The following PPP1R36 variants were observed in gnomAD, a reference collection of about 807,000 sequenced individuals.
PPP1R36 encodes the protein chromosome 14 open reading frame 50.
In PPP1R36, 47 loss-of-function variants were observed where a neutral mutation model predicts 53.4. The ratio of observed to expected loss-of-function variants is 0.88; its 90% CI spans 0.70 to 1.12. PPP1R36 has a LOEUF of 1.12. Ranked by LOEUF, PPP1R36 falls within the 50% of genes most tolerant of loss-of-function variation. The pLI, the probability that PPP1R36 is intolerant of heterozygous loss-of-function variation, is 0.00. For synonymous variants in PPP1R36, 153 were observed against 170.5 expected (o/e 0.90, Z 0.80); for missense variants, 456 against 513.9 (o/e 0.89, Z 1.09).
intron 6 of PPP1R36, among the ~76,000 whole-genome samples, chr14:64,568,109 C>T (rs1260050791): frequency 6.6e-6 from 1 of 152,112 alleles, no homozygotes; most frequent in Non-Finnish European, 1.5e-5. Context: ...TTAGTAAGCA[C>T]AACTATAAGA....
chr14:64,561,821 G>A (rs2080207587), intron 3 of PPP1R36: 2 of 455,878 alleles, frequency 4.4e-6, no homozygotes, highest in Admixed American at 4.7e-5. Context: ...AGAACCAGCA[G>A]TCTGCCTGAA....
chr14:64,559,008 G>A (rs1274389848), intron 3 of PPP1R36, among the ~76,000 whole-genome samples: 1 of 152,118 alleles, frequency 6.6e-6, no homozygotes, highest in African/African-American at 2.4e-5. Flanking sequence ...AGTGGATCTG[G>A]GACTAAGGGA....
At chr14:64,574,625 CCAT>C (rs1279230634) in intron 8 of PPP1R36, 36 bp downstream of exon 8, 1 of 1,569,222 alleles carries the variant, frequency 6.4e-7, no homozygotes, top group Non-Finnish European at 8.6e-7. Context: ...GATCATCACT[CCAT>C]CATAGACTCA....
chr14:64,563,760 A>G (rs1432278744), intron 3 of PPP1R36, among the ~76,000 whole-genome samples: 1 of 152,248 alleles, frequency 6.6e-6, no homozygotes, highest in Non-Finnish European at 1.5e-5. Context: ...ACCTCAGCTT[A>G]ACAGAGGGAC....
chr14:64,585,233 A>G (rs2080421660), intron 8 of PPP1R36, among the ~76,000 whole-genome samples: 1 of 152,210 alleles, frequency 6.6e-6, no homozygotes, highest in Non-Finnish European at 1.5e-5. Context: ...AAGCAGAAGC[A>G]GGCCGGGCAC....
intron 3 of PPP1R36, chr14:64,559,228 G>T (rs1052473435): frequency 2.0e-5 from 3 of 152,212 alleles, no homozygotes; most frequent in Non-Finnish European, 4.4e-5. Flanking sequence ...GTACAGGCAG[G>T]GATATCCATG....
intron 9 of PPP1R36, 23 bp downstream of exon 9, chr14:64,586,902 C>G: frequency 6.3e-7 from 1 of 1,595,546 alleles, no homozygotes; most frequent in Non-Finnish European, 8.6e-7. Flanking sequence ...TGTTTTGGTG[C>G]TTTTTGATAT....
At chr14:64,556,987 A>T (rs1214544580) in intron 3 of PPP1R36, among the ~76,000 whole-genome samples, 1 of 148,808 alleles carries the variant, frequency 6.7e-6, no homozygotes, top group Non-Finnish European at 1.5e-5. Context: ...CTACAGGGAC[A>T]TGCCACCATG....
In PPP1R36 at chr14:64,588,146, C is replaced by G. The variant is rs774934716; in HGVS notation, c.933C>G (p.Asn311Lys). Residue 311 changes from asparagine to lysine, a missense_variant, in exon 11 of 12, where the codon AAC becomes AAG. By Grantham distance (94) the Asn-to-Lys change is moderately conservative. Transcript: ENST00000298705. ...AKRPAIKKAI[N>K]MRSPVMSTLL... Reference sequence around the variant, plus strand: ...GCCCAGCAATTAAAAAAGCTATCAACATGCGTTCTCCAGTCATGTCTACTC... The same window carrying G: ...GCCCAGCAATTAAAAAAGCTATCAAGATGCGTTCTCCAGTCATGTCTACTC... 1.9e-6 allele frequency: 3 copies of G among 1,611,104 alleles called. No individual in the cohort carries two copies. In the South Asian group the frequency reaches 3.3e-5, roughly 18 times the overall value.
chr14:64,551,031 GT>G, intron 2 of PPP1R36, 46 bp downstream of exon 2: 2 of 1,285,634 alleles, frequency 1.6e-6, no homozygotes, highest in Non-Finnish European at 2.2e-6. Flanking sequence ...AAAATTACAT[GT>G]GCCTGGGGGA....
At chr14:64,574,310 G>A (rs1485166651) in intron 7 of PPP1R36, 145 bp from the exon 8 acceptor site, 40 of 726,112 alleles carry the variant, frequency 5.5e-5, no homozygotes, top group Non-Finnish European at 7.9e-5. Context: ...AGCTGTGATC[G>A]CACCACTGCA....
At chr14:64,556,954 C>T (rs1180349579) in intron 3 of PPP1R36, among the ~76,000 whole-genome samples, 5 of 151,424 alleles carry the variant, frequency 3.3e-5, no homozygotes, top group South Asian at 2.1e-4. Flanking sequence ...GCCCACCCGC[C>T]GCCCCCCAGC....
chr14:64,557,398 T>G (rs558185133), intron 3 of PPP1R36, among the ~76,000 whole-genome samples: 19 of 151,872 alleles, frequency 1.3e-4, no homozygotes, highest in African/African-American at 4.3e-4. Flanking sequence ...ATATATAAAA[T>G]AAGAAGAAGA....
intron 7 of PPP1R36, 39 bp downstream of exon 7, chr14:64,568,486 C>T: frequency 1.1e-6 from 1 of 912,506 alleles, no homozygotes; most frequent in South Asian, 1.7e-5. Context: ...AGTTTTATCA[C>T]TGCCAGTATT....
At position 64,568,407 on chromosome 14, in the gene PPP1R36, GA is replaced by G; in HGVS notation, c.500del (p.Asn167ThrfsTer12). ...ALLYYLSHYL[E>X]KNSLEKKPKS... ...ATTGTACTACTTATCCCATTACTTG[GA>G]AAAAAACTCACTGGAAAAGAAACCC... is the stretch of plus-strand genomic sequence containing the variant. On this transcript the variant is annotated frameshift_variant, in exon 7 of 12. Coordinates refer to ENST00000298705, the MANE Select transcript of PPP1R36 (RefSeq NM_172365.3). LOFTEE classifies it high-confidence loss of function. The G allele has an allele frequency of 6.4e-6, 10 of 1,563,150 alleles. No homozygotes were observed. Among genetic ancestry groups the G allele is most frequent in the Admixed American group, 5.6e-5 (3 of 53,872 alleles).
intron 3 of PPP1R36, among the ~76,000 whole-genome samples, chr14:64,553,334 A>C (rs745449304): frequency 6.6e-6 from 1 of 152,172 alleles, no homozygotes; most frequent in Non-Finnish European, 1.5e-5. Context: ...TGAGCCTACT[A>C]ATAAGTTCGC....
At chr14:64,586,953 A>G in intron 9 of PPP1R36, 74 bp downstream of exon 9, 1 of 1,219,152 alleles carries the variant, frequency 8.2e-7, no homozygotes, top group South Asian at 1.3e-5. Context: ...TTTGTCAGGC[A>G]CTTATTTTTA....
chr14:64,582,134 C>T (rs983711096), intron 8 of PPP1R36, among the ~76,000 whole-genome samples: 4 of 152,122 alleles, frequency 2.6e-5, no homozygotes, highest in African/African-American at 9.7e-5. Flanking sequence ...AGCCCTATTC[C>T]TCTACCCTTA....
intron 7 of PPP1R36, among the ~76,000 whole-genome samples, chr14:64,571,118 T>TTG (rs553091229): frequency 2.0e-5 from 3 of 147,084 alleles, no homozygotes; most frequent in African/African-American, 7.5e-5. Flanking sequence ...TACTGTTTGT[T>TTG]TGTTTGTTTG....
Sources: allele counts gnomAD v4.1 joint callset (sites outside exome capture counted in the v4.1 genomes callset), GRCh38; gene constraint gnomAD v4.1.1; transcripts MANE v1.5; gene names NCBI Gene and HGNC (gene_info 2026-07-23, HGNC 2026-07-21).